PRELID2: variants seen among roughly 807,000 people sequenced by gnomAD.
PRELID2 encodes the protein PRELI domain-containing protein 2.
Under a neutral mutation model 28.4 loss-of-function variants are expected in PRELID2, and 25 were observed. The observed-to-expected ratio is 0.88, with a 90% confidence interval of 0.64 to 1.23. The LOEUF is 1.23. Among genes scored for constraint, PRELID2 ranks in the 50% most tolerant of loss-of-function variants. The probability of loss-of-function intolerance (pLI) is 0.00; values close to 1 mark genes in which losing one functional copy is unlikely to be tolerated. For synonymous variants in PRELID2, 76 were observed against 71.6 expected, an observed-to-expected ratio of 1.06 and a Z score of -0.31; for missense variants, 201 against 214.4, an observed-to-expected ratio of 0.94 and a Z score of 0.39.
At chr5:145,282,206 A>G in the PRELID2 span, among the ~76,000 whole-genome samples, 1 of 152,180 alleles carries the variant, frequency 6.6e-6, no homozygotes, top group Non-Finnish European at 1.5e-5. Flanking sequence ...GCTACCTTGA[A>G]GTTGAAATGA....
the PRELID2 span, among the ~76,000 whole-genome samples, chr5:145,287,770 C>T: frequency 2.2e-3 from 331 of 152,258 alleles, 2 homozygotes; most frequent in African/African-American, 7.6e-3. Context: ...CCAGATTCCT[C>T]TAGTTGTACC....
the PRELID2 span, among the ~76,000 whole-genome samples, chr5:145,316,503 C>G: frequency 1.3e-5 from 2 of 152,160 alleles, no homozygotes; most frequent in Non-Finnish European, 2.9e-5. Flanking sequence ...AAAATGTTAC[C>G]TCTTCTCCAC....
chr5:145,785,840 A>G (rs1561605912), intron 5 of PRELID2, among the ~76,000 whole-genome samples: 1 of 152,198 alleles, frequency 6.6e-6, no homozygotes, highest in South Asian at 2.1e-4. Context: ...GATGGCATCC[A>G]CAGTTTATGC....
intron 5 of PRELID2, among the ~76,000 whole-genome samples, chr5:145,777,061 C>G (rs535899633): frequency 7.2e-5 from 11 of 152,220 alleles, no homozygotes; most frequent in Middle Eastern, 3.4e-3. Flanking sequence ...GAGACTGATG[C>G]AAAATTCCCA....
intron 1 of PRELID2, among the ~76,000 whole-genome samples, chr5:145,577,414 T>C (rs1753070056): frequency 6.6e-6 from 1 of 151,960 alleles, no homozygotes; most frequent in Admixed American, 6.6e-5. Flanking sequence ...GATTAAAGTT[T>C]AGAAAATCAA....
intron 5 of PRELID2, among the ~76,000 whole-genome samples, chr5:145,779,455 A>G (rs1244719109): frequency 6.6e-6 from 1 of 152,122 alleles, no homozygotes; most frequent in Non-Finnish European, 1.5e-5. Context: ...AAATTATTAT[A>G]TAACTATTTA....
intron 1 of PRELID2, among the ~76,000 whole-genome samples, chr5:145,725,363 T>C (rs1756116551): frequency 6.6e-6 from 1 of 152,168 alleles, no homozygotes; most frequent in Non-Finnish European, 1.5e-5. Flanking sequence ...AATGTAGGGA[T>C]GTAAACCTTT....
At chr5:145,538,952 A>G (rs1032349767) in intron 1 of PRELID2, among the ~76,000 whole-genome samples, 10 of 151,928 alleles carry the variant, frequency 6.6e-5, no homozygotes, top group Non-Finnish European at 1.3e-4. Context: ...ATAACTCAGA[A>G]TACCTGACAG....
chr5:145,336,287 AT>A, the PRELID2 span, among the ~76,000 whole-genome samples: 1 of 151,516 alleles, frequency 6.6e-6, no homozygotes, highest in African/African-American at 2.4e-5. Flanking sequence ...ATTAGATCCC[AT>A]TTGTCAATTT....
intron 1 of PRELID2, among the ~76,000 whole-genome samples, chr5:145,599,008 T>C (rs997878685): frequency 3.3e-5 from 5 of 152,140 alleles, no homozygotes; most frequent in Admixed American, 2.0e-4. Flanking sequence ...TCCCCCTCTA[T>C]GTCAAAACTT....
chr5:145,602,843 G>A (rs975898667), intron 1 of PRELID2, among the ~76,000 whole-genome samples: 2 of 152,042 alleles, frequency 1.3e-5, no homozygotes, highest in African/African-American at 4.8e-5. Flanking sequence ...CCTGAGGTCA[G>A]GAGTTCGAGA....
the PRELID2 span, among the ~76,000 whole-genome samples, chr5:145,310,486 A>C: frequency 6.6e-6 from 1 of 152,182 alleles, no homozygotes; most frequent in Non-Finnish European, 1.5e-5. Flanking sequence ...ACCTACTTGA[A>C]ACTGTCAAAA....
the PRELID2 span, among the ~76,000 whole-genome samples, chr5:145,375,215 A>G: frequency 2.6e-5 from 4 of 151,956 alleles, no homozygotes; most frequent in Non-Finnish European, 5.9e-5. Context: ...TTTTCTTTCA[A>G]TAATCAAGTC....
intron 1 of PRELID2, among the ~76,000 whole-genome samples, chr5:145,592,243 C>G (rs955984296): frequency 2.6e-5 from 4 of 152,008 alleles, no homozygotes; most frequent in African/African-American, 9.7e-5. Context: ...GGCGAAACCC[C>G]GTTTCTACTA....
At chr5:145,811,429 G>A (rs1001887498) in intron 4 of PRELID2, among the ~76,000 whole-genome samples, 3 of 152,174 alleles carry the variant, frequency 2.0e-5, no homozygotes, top group East Asian at 1.9e-4. Flanking sequence ...GCTGGACTAC[G>A]GGCATGTGGC....
chr5:145,588,608 T>C (rs990011794), intron 1 of PRELID2, among the ~76,000 whole-genome samples: 1 of 152,166 alleles, frequency 6.6e-6, no homozygotes, highest in African/African-American at 2.4e-5. Context: ...TTAAGATAAT[T>C]GAGAGAGGGT....
the PRELID2 span, among the ~76,000 whole-genome samples, chr5:145,373,974 T>C: frequency 2.1e-5 from 3 of 144,980 alleles, no homozygotes; most frequent in African/African-American, 5.0e-5. Context: ...ATATAATATA[T>C]ATTATATTAA....
the PRELID2 span, among the ~76,000 whole-genome samples, chr5:145,287,558 G>GTTGA: frequency 6.6e-6 from 1 of 152,116 alleles, no homozygotes. Flanking sequence ...TTGGACCATG[G>GTTGA]TTGATCATGT....
chr5:145,554,183 A>G (rs559664276), intron 1 of PRELID2, among the ~76,000 whole-genome samples: 43 of 152,228 alleles, frequency 2.8e-4, no homozygotes, highest in Non-Finnish European at 5.3e-4. Flanking sequence ...TTACAGCTAA[A>G]GAAAGGGAGA....
Sources: allele counts gnomAD v4.1 joint callset (sites outside exome capture counted in the v4.1 genomes callset), GRCh38; gene constraint gnomAD v4.1.1; transcripts MANE v1.5; gene names NCBI Gene and HGNC (gene_info 2026-07-23, HGNC 2026-07-21).